The following ZNF420 variants were observed in gnomAD, a reference collection of about 807,000 sequenced individuals.
The protein encoded by ZNF420 is ATM and p53-associated KZNF protein.
In ZNF420, 31 loss-of-function variants were observed where a neutral mutation model predicts 44.7. The observed-to-expected ratio is 0.69, with a 90% CI of 0.52 to 0.94. The LOEUF (loss-of-function observed/expected upper bound fraction) is 0.94. Among genes scored for constraint, ZNF420 ranks in the 40% least tolerant of loss-of-function variants. The pLI, the probability that ZNF420 is intolerant of heterozygous loss-of-function variation, is 0.00. For synonymous variants in ZNF420, 245 were observed against 267.4 expected (o/e 0.92, Z 0.82); for missense variants, 681 against 827.9 (o/e 0.82, Z 2.18).
intron 2 of ZNF420, among the ~76,000 whole-genome samples, chr19:37,081,578 TGCAACCTCCACCTCCCAGGTTCAA>T (rs1045429769): frequency 7.3e-5 from 11 of 151,444 alleles, no homozygotes; most frequent in East Asian, 1.9e-4. Flanking sequence ...CTTGGCTCAC[TGCAACCTCCACCTCCCAGGTTCAA>T]GCAACCTCCA....
At chr19:37,050,894 A>C (rs1467373232) in intron 1 of ZNF420, among the ~76,000 whole-genome samples, 2 of 152,116 alleles carry the variant, frequency 1.3e-5, no homozygotes, top group Non-Finnish European at 2.9e-5. Context: ...AGATATGTCC[A>C]ATCAATACCT....
rs1440673747 is a variant in ZNF420 at position 37,127,248 on chromosome 19, C to G, written c.257C>G (p.Ser86Cys). 9 of 1,613,372 alleles carry G rather than the reference C, an allele frequency of 5.6e-6. No homozygotes were observed. Among genetic ancestry groups the G allele is most frequent in the Non-Finnish European group, 6.8e-6 (8 of 1,179,716 alleles). Residue 86 changes from serine to cysteine, a missense_variant, in exon 5 of 5, where the codon TCC (serine) becomes TGC (cysteine). This residue lies in a region of ZNF420 where 350 missense variants were observed against 382.5 expected (regional missense o/e 0.92). Coordinates refer to ENST00000337995, the MANE Select transcript of ZNF420 (RefSeq NM_144689.5). ...AACTGTGATCTTGAAGAGTCCAATT[C>G]CAGGGATTATTTGGAAGCCAAAGGC... ...LENCDLEESN[S>C]RDYLEAKGKM...
At chr19:37,115,521 A>G (rs1462358633) in intron 4 of ZNF420, among the ~76,000 whole-genome samples, 1 of 151,882 alleles carries the variant, frequency 6.6e-6, no homozygotes, top group Non-Finnish European at 1.5e-5. Flanking sequence ...CTTGATGTAC[A>G]TGTATACAAA....
Position 37,127,140 on chromosome 19 carries a change from G to A in ZNF420, c.149G>A (p.Arg50Lys). The A allele has an allele frequency of 2.0e-6, 3 of 1,478,676 alleles. No individual in the cohort carries two copies. Among genetic ancestry groups the A allele is most frequent in the Non-Finnish European group, 2.7e-6 (3 of 1,113,470 alleles). The allele number at this position is 1,478,676 out of a possible 1,614,324, so 91.6% of individuals were successfully genotyped here. Residue 50 changes from arginine to lysine, a missense_variant, in exon 5 of 5, where the codon AGG (arginine) becomes AAG (lysine). Physicochemically the swap from Arg to Lys is conservative, Grantham distance 26. Around this residue, in one of 3 missense-constraint regions of ZNF420, gnomAD observed 350 missense variants for 382.5 expected, o/e 0.92. Coordinates refer to ENST00000337995, the MANE Select transcript of ZNF420 (RefSeq NM_144689.5). ...SNLVSLDLPS[R>K]CASKDLSPEK... The stretch of plus-strand genomic sequence containing the variant: ...TCTTATCTTTCAGACTTGCCTTCAA[G>A]GTGTGCAAGTAAGGACTTATCTCCA...
At chr19:37,065,015 T>A (rs1260176640) in intron 1 of ZNF420, among the ~76,000 whole-genome samples, 3 of 151,982 alleles carry the variant, frequency 2.0e-5, no homozygotes, top group Non-Finnish European at 4.4e-5. Context: ...AAGAAACAGG[T>A]GGTGAGAATG....
chr19:37,116,368 C>CAAAGAA (rs1211328468), intron 4 of ZNF420, among the ~76,000 whole-genome samples: 1 of 75,900 alleles, frequency 1.3e-5, no homozygotes, highest in Admixed American at 1.4e-4. Context: ...GACTCCACCT[C>CAAAGAA]AAAAAAAAAA....
At chr19:37,054,592 G>A (rs1381080488) in intron 1 of ZNF420, among the ~76,000 whole-genome samples, 2 of 152,228 alleles carry the variant, frequency 1.3e-5, no homozygotes, top group African/African-American at 4.8e-5. Context: ...GAGAGCGTCA[G>A]CCTTGGTCTT....
At chr19:37,113,380 C>T (rs1017222272) in intron 4 of ZNF420, among the ~76,000 whole-genome samples, 5 of 152,170 alleles carry the variant, frequency 3.3e-5, no homozygotes, top group Admixed American at 6.5e-5. Context: ...ATTGCTTGAG[C>T]GATAAGCATA....
intron 1 of ZNF420, among the ~76,000 whole-genome samples, chr19:37,043,407 A>C (rs1192060032): frequency 6.6e-6 from 1 of 152,252 alleles, no homozygotes; most frequent in African/African-American, 2.4e-5. Context: ...ACAAAGGCAA[A>C]AAGTATCCTC....
At chr19:37,116,675 G>A (rs967588477) in intron 4 of ZNF420, among the ~76,000 whole-genome samples, 8 of 152,186 alleles carry the variant, frequency 5.3e-5, no homozygotes, top group Non-Finnish European at 1.0e-4. Flanking sequence ...CTCAGTAAGT[G>A]CAAGGGGTCA....
intron 4 of ZNF420, among the ~76,000 whole-genome samples, chr19:37,122,296 A>G (rs1971092047): frequency 6.6e-6 from 1 of 152,232 alleles, no homozygotes; most frequent in Admixed American, 6.5e-5. Context: ...AAAAATGATG[A>G]GTTCATGTCC....
In ZNF420 at chr19:37,114,287, C is replaced by T. The variant is rs892555909; in HGVS notation, c.137-12841C>T. Among the ~76,000 whole-genome samples, 12 of 152,122 alleles carry T rather than the reference C, an allele frequency of 7.9e-5. 1 individual carries two copies. The highest frequency in any genetic ancestry group is 2.6e-4 in the Admixed American group (4 of 15,270). ...GGTGCTGGAAACATTCCTGGCTGTC[C>T]ATACTGATTTTCTGGGGGCGGCTGA... On this transcript the variant is annotated intron_variant, in intron 4 of 4. Coordinates refer to ENST00000337995, the MANE Select transcript of ZNF420 (RefSeq NM_144689.5).
intron 1 of ZNF420, among the ~76,000 whole-genome samples, chr19:37,048,205 A>G (rs1967574911): frequency 6.6e-6 from 1 of 152,210 alleles, no homozygotes. Context: ...CAACAGGACA[A>G]TTATAGGAAA....
intron 1 of ZNF420, among the ~76,000 whole-genome samples, chr19:37,064,901 G>A (rs1405692100): frequency 6.6e-6 from 1 of 152,188 alleles, no homozygotes; most frequent in Admixed American, 6.5e-5. Flanking sequence ...GAAAAAGACA[G>A]TTTGAGAGAG....
chr19:37,107,905 T>TTTC (rs1970183224), intron 4 of ZNF420, among the ~76,000 whole-genome samples: 1 of 152,126 alleles, frequency 6.6e-6, no homozygotes, highest in Non-Finnish European at 1.5e-5. Context: ...GAGATTATCT[T>TTTC]TTCTTCCCTG....
intron 4 of ZNF420, chr19:37,109,411 A>C (rs1970266150): frequency 6.6e-6 from 1 of 152,256 alleles, no homozygotes; most frequent in African/African-American, 2.4e-5. Context: ...CAATCATCAA[A>C]GCTGCAAGCA....
At chr19:37,055,348 T>A (rs866927442) in intron 1 of ZNF420, among the ~76,000 whole-genome samples, 2 of 152,114 alleles carry the variant, frequency 1.3e-5, no homozygotes, top group Non-Finnish European at 2.9e-5. Flanking sequence ...ATCACACCAA[T>A]GCACTGCAGC....
chr19:37,080,827 C>T (rs1054941406), intron 2 of ZNF420, among the ~76,000 whole-genome samples: 3 of 151,490 alleles, frequency 2.0e-5, no homozygotes, highest in Admixed American at 6.6e-5. Context: ...GAGGCCGAGG[C>T]GGATGGAACG....
intron 4 of ZNF420, among the ~76,000 whole-genome samples, chr19:37,111,907 G>T (rs569477509): frequency 3.9e-5 from 6 of 152,138 alleles, no homozygotes; most frequent in Non-Finnish European, 7.4e-5. Flanking sequence ...CCCATGGGTT[G>T]AATTATGGCA....
Sources: gnomAD v4.1 joint callset for allele counts (sites outside exome capture counted in the v4.1 genomes callset) on GRCh38, gnomAD v4.1.1 for gene constraint, gnomAD v4.1.1 regional missense constraint, MANE v1.5 for transcripts, NCBI Gene and HGNC (gene_info 2026-07-23, HGNC 2026-07-21) for gene names.